PAN3: variants seen among roughly 807,000 people sequenced by gnomAD.
PAN3 encodes poly(A) specific ribonuclease subunit PAN3.
A neutral mutation model predicts 96.2 loss-of-function variants in PAN3; 19 were observed. The ratio of observed to expected loss-of-function variants is 0.20; its 90% CI spans 0.14 to 0.29. The LOEUF is 0.29. Among genes scored for constraint, PAN3 ranks in the 10% least tolerant of loss-of-function variants. PAN3 has a pLI of 1.00. For missense variants in PAN3, 882 were observed against 1,108.1 expected (o/e 0.80, Z 2.90); for synonymous variants, 433 against 406.6 (o/e 1.06, Z -0.78).
rs928849304 is a variant in PAN3 at position 28,293,580 on chromosome 13, A to G, written c.*1058A>G. ...TGTTTTACAGCCTGAATTTGGAGGG[A>G]TAACGATCTGCTGTGCCTTTGCAGT... On this transcript the variant is annotated 3_prime_UTR_variant, in exon 19 of 19. Transcript: ENST00000380958. 1.3e-5 allele frequency: 2 copies of G among 152,342 alleles called. No individual in the cohort carries two copies. Among genetic ancestry groups the G allele is most frequent in the Non-Finnish European group, 2.9e-5 (2 of 67,982 alleles). 9.4% of individuals were successfully genotyped at this position (152,342 alleles called of 1,614,324 possible).
intron 7 of PAN3, among the ~76,000 whole-genome samples, chr13:28,258,428 G>A (rs1885400192): frequency 6.6e-6 from 1 of 152,192 alleles, no homozygotes; most frequent in South Asian, 2.1e-4. Context: ...AAGGGTGGTG[G>A]GATGAGTCCA....
intron 6 of PAN3, among the ~76,000 whole-genome samples, chr13:28,221,253 G>A (rs1881374432): frequency 6.6e-6 from 1 of 151,958 alleles, no homozygotes; most frequent in Non-Finnish European, 1.5e-5. Context: ...GTGCTGAGCA[G>A]ATTGGTATCT....
intron 6 of PAN3, chr13:28,240,118 G>A (rs548471614): frequency 6.6e-6 from 1 of 152,282 alleles, no homozygotes; most frequent in South Asian, 2.1e-4. Context: ...AGTTTAGTGA[G>A]TATATTTTGG....
Position 28,292,698 on chromosome 13 carries a change from C to T in PAN3, c.*176C>T. On this transcript the variant is annotated 3_prime_UTR_variant, in exon 19 of 19. Coordinates refer to ENST00000380958, the MANE Select transcript of PAN3 (RefSeq NM_175854.8). ...TTGAAAGGAAGAATGTTTCACTTAC[C>T]CAAGAGCTATGGCTGCCATTGGAGG... 2 of 488,762 alleles carry T rather than the reference C, an allele frequency of 4.1e-6. No homozygotes were observed. Among genetic ancestry groups the T allele is most frequent in the East Asian group, 7.1e-5 (2 of 28,336 alleles). The allele number at this position is 488,762 out of a possible 1,614,324, so 30.3% of individuals were successfully genotyped here. A position where few individuals can be genotyped will look rare whatever the true frequency, so the allele number is the denominator to read the frequency against.
intron 5 of PAN3, chr13:28,215,512 A>G: frequency 1.5e-6 from 1 of 672,572 alleles, no homozygotes; most frequent in Non-Finnish European, 2.7e-6. Flanking sequence ...TGACCCACGA[A>G]TGAAGGCAGT....
intron 17 of PAN3, among the ~76,000 whole-genome samples, chr13:28,285,487 G>A (rs1045213142): frequency 2.1e-4 from 32 of 152,102 alleles, no homozygotes; most frequent in African/African-American, 6.0e-4. Context: ...GAAATTCACA[G>A]TGATGTTCCT....
intron 10 of PAN3, 93 bp from the exon 11 acceptor site, chr13:28,267,002 C>T: frequency 7.5e-7 from 1 of 1,324,534 alleles, no homozygotes; most frequent in Non-Finnish European, 1.0e-6. Flanking sequence ...ACCTCATGAG[C>T]AATGTATAAA....
At chr13:28,226,885 C>T (rs1298027499) in intron 6 of PAN3, among the ~76,000 whole-genome samples, 1 of 152,202 alleles carries the variant, frequency 6.6e-6, no homozygotes, top group Non-Finnish European at 1.5e-5. Context: ...TCAGCAGATT[C>T]ATTCAAATCT....
At chr13:28,213,358 A>G (rs1416130797) in intron 5 of PAN3, among the ~76,000 whole-genome samples, 4 of 152,184 alleles carry the variant, frequency 2.6e-5, no homozygotes, top group Non-Finnish European at 4.4e-5. Context: ...AGGATACTGA[A>G]AAACCACCGT....
intron 1 of PAN3, among the ~76,000 whole-genome samples, chr13:28,144,983 G>C (rs570490695): frequency 6.6e-6 from 1 of 152,148 alleles, no homozygotes; most frequent in South Asian, 2.1e-4. Flanking sequence ...CTCCGAAAGC[G>C]CTGGGACTAC....
chr13:28,259,334 C>G (rs964310738), intron 7 of PAN3, among the ~76,000 whole-genome samples: 1 of 150,302 alleles, frequency 6.7e-6, no homozygotes, highest in East Asian at 2.0e-4. Flanking sequence ...GAGATGGAGT[C>G]TCGGCTCTGT....
At chr13:28,190,797 G>C (rs1038619774) in intron 4 of PAN3, among the ~76,000 whole-genome samples, 3 of 152,160 alleles carry the variant, frequency 2.0e-5, no homozygotes, top group Non-Finnish European at 4.4e-5. Flanking sequence ...CCATGATTCA[G>C]TCACTCCCTT....
At chr13:28,194,574 A>G (rs1877777732) in intron 4 of PAN3, among the ~76,000 whole-genome samples, 1 of 149,782 alleles carries the variant, frequency 6.7e-6, no homozygotes, top group Non-Finnish European at 1.5e-5. Flanking sequence ...AGGTTCAAGC[A>G]ATTCTGCCTC....
chr13:28,199,441 A>G (rs1188830909), intron 5 of PAN3, among the ~76,000 whole-genome samples: 1 of 152,106 alleles, frequency 6.6e-6, no homozygotes, highest in East Asian at 1.9e-4. Flanking sequence ...TGTTATCTGA[A>G]TCTAATGTTT....
rs577462115 is a variant in PAN3 at position 28,277,392 on chromosome 13, T to C, written c.2189+16T>C. On this transcript the variant is annotated intron_variant, in intron 15 of 18. Coordinates refer to ENST00000380958, the MANE Select transcript of PAN3 (RefSeq NM_175854.8). ...ATCTGATTTTGTAAGTTTTAATATA[T>C]GATAAATTGTACAGAATGATTATTT... 2 of 1,602,372 alleles carry C rather than the reference T, an allele frequency of 1.2e-6. No individual in the cohort carries two copies. Among genetic ancestry groups the C allele is most frequent in the Admixed American group, 1.7e-5 (1 of 58,058 alleles).
intron 12 of PAN3, among the ~76,000 whole-genome samples, chr13:28,269,211 T>C (rs1886413289): frequency 1.3e-5 from 2 of 152,194 alleles, no homozygotes; most frequent in South Asian, 4.1e-4. Flanking sequence ...CTCCAGATGT[T>C]GCCAAATGCT....
chr13:28,229,757 A>G (rs1566207690), intron 6 of PAN3, among the ~76,000 whole-genome samples: 1 of 152,058 alleles, frequency 6.6e-6, no homozygotes, highest in Non-Finnish European at 1.5e-5. Flanking sequence ...TGTGACAGTG[A>G]TTCTCAAATT....
chr13:28,260,639 A>G, intron 8 of PAN3, 88 bp downstream of exon 8: 1 of 1,090,090 alleles, frequency 9.2e-7, no homozygotes, highest in Non-Finnish European at 1.4e-6. Context: ...TTCAAATCAT[A>G]TTATTTAATC....
At chr13:28,256,152 TA>T in intron 6 of PAN3, 139 bp from the exon 7 acceptor site, 1 of 931,778 alleles carries the variant, frequency 1.1e-6, no homozygotes, top group Non-Finnish European at 1.6e-6. Context: ...CAAAACAAGA[TA>T]AAATTATTTC....
Sources: allele counts gnomAD v4.1 joint callset (sites outside exome capture counted in the v4.1 genomes callset), GRCh38; gene constraint gnomAD v4.1.1; transcripts MANE v1.5; gene names NCBI Gene and HGNC (gene_info 2026-07-23, HGNC 2026-07-21).